The following KLRG1 variants were observed in gnomAD, a reference collection of about 807,000 sequenced individuals.
KLRG1 encodes killer cell lectin like receptor G1.
Under a neutral mutation model 21.8 loss-of-function variants are expected in KLRG1, and 16 were observed. The observed-to-expected ratio is 0.73, with a 90% CI of 0.50 to 1.11. The LOEUF is 1.11. Ranked by LOEUF, KLRG1 falls within the 50% of genes most tolerant of loss-of-function variation. KLRG1 has a pLI of 0.00. For synonymous variants in KLRG1, 69 were observed against 75.9 expected, an observed-to-expected ratio of 0.91 and a Z score of 0.47; for missense variants, 173 against 218.3, an observed-to-expected ratio of 0.79 and a Z score of 1.31.
the KLRG1 span, chr12:9,181,094 G>A: frequency 6.2e-7 from 1 of 1,614,058 alleles, no homozygotes; most frequent in Non-Finnish European, 8.5e-7. Context: ...GGGCATGTGA[G>A]GCTGGGGGAC....
At chr12:9,095,514 A>G in the KLRG1 span, 2 of 1,598,912 alleles carry the variant, frequency 1.3e-6, no homozygotes, top group African/African-American at 1.3e-5. Flanking sequence ...TTAAGATCAG[A>G]CCATCTGCAA....
chr12:9,160,202 G>T, the KLRG1 span: 1 of 1,170,104 alleles, frequency 8.5e-7, no homozygotes, highest in Non-Finnish European at 1.2e-6. Flanking sequence ...TGGGAAGATT[G>T]TTGTTTTCAT....
chr12:9,182,175 A>C, the KLRG1 span: 1 of 179,788 alleles, frequency 5.6e-6, no homozygotes, highest in Non-Finnish European at 8.9e-6. Context: ...AGGTCATAAA[A>C]ATAGTGTCAT....
At chr12:9,120,033 C>A in the KLRG1 span, among the ~76,000 whole-genome samples, 9 of 152,170 alleles carry the variant, frequency 5.9e-5, no homozygotes, top group African/African-American at 2.2e-4. Context: ...GCAATAATAT[C>A]TGTGGTCTCA....
At chr12:9,010,907 A>G (rs575591983), downstream of KLRG1, 11 of 152,380 alleles carry the variant, frequency 7.2e-5, no homozygotes, top group African/African-American at 1.2e-4. Context: ...TCTGGATACA[A>G]TGCTCATAGA....
the KLRG1 span, chr12:9,151,500 A>C: frequency 4.9e-5 from 43 of 872,158 alleles, no homozygotes; most frequent in Non-Finnish European, 5.9e-5. Context: ...CTGGAAGGGC[A>C]TTACTAATGA....
the KLRG1 span, among the ~76,000 whole-genome samples, chr12:9,204,536 CT>C: frequency 6.6e-6 from 1 of 152,200 alleles, no homozygotes; most frequent in East Asian, 1.9e-4. Flanking sequence ...AAAGTATTTG[CT>C]GTTTCTCTTA....
At chr12:9,110,184 G>T in the KLRG1 span, 1 of 1,107,574 alleles carries the variant, frequency 9.0e-7, no homozygotes, top group Non-Finnish European at 1.3e-6. Context: ...TAGCCATCTA[G>T]CTCTATGGGA....
the KLRG1 span, chr12:9,109,505 G>A: frequency 3.4e-6 from 3 of 889,192 alleles, no homozygotes; most frequent in African/African-American, 3.3e-5. Flanking sequence ...ATATTTTAGG[G>A]CTCTGAAAAG....
chr12:9,156,336 T>C, the KLRG1 span: 1 of 205,534 alleles, frequency 4.9e-6, no homozygotes. Context: ...CTGACCATCT[T>C]CCCCTCCACC....
chr12:8,956,032 C>T (rs770196820), intron 1 of KLRG1, among the ~76,000 whole-genome samples: 10 of 152,194 alleles, frequency 6.6e-5, no homozygotes, highest in Non-Finnish European at 1.5e-4. Context: ...GGACTACCAC[C>T]TTTGGGTCCC....
the KLRG1 span, chr12:9,107,382 GA>G: frequency 2.0e-5 from 21 of 1,038,778 alleles, no homozygotes; most frequent in African/African-American, 2.3e-4. Flanking sequence ...CTAAGTTCAT[GA>G]TTTTTTTTGA....
the KLRG1 span, among the ~76,000 whole-genome samples, chr12:9,191,005 T>G: frequency 4.6e-5 from 7 of 152,136 alleles, no homozygotes; most frequent in African/African-American, 1.7e-4. Flanking sequence ...TTAAAATTGT[T>G]TTATGATGAA....
intron 1 of KLRG1, among the ~76,000 whole-genome samples, chr12:8,991,035 T>C (rs1389385158): frequency 6.6e-6 from 1 of 152,164 alleles, no homozygotes; most frequent in African/African-American, 2.4e-5. Flanking sequence ...GAATACTCCA[T>C]AGATACACAC....
At chr12:9,041,417 G>A in the KLRG1 span, among the ~76,000 whole-genome samples, 1 of 152,300 alleles carries the variant, frequency 6.6e-6, no homozygotes, top group Non-Finnish European at 1.5e-5. Flanking sequence ...TTTGACATGC[G>A]TATTTTGATG....
the KLRG1 span, among the ~76,000 whole-genome samples, chr12:9,188,171 C>T: frequency 6.6e-6 from 1 of 152,208 alleles, no homozygotes; most frequent in South Asian, 2.1e-4. Context: ...AAAAGCTTAG[C>T]TACCGCGATC....
At position 9,002,403 on chromosome 12, in the gene KLRG1, C is replaced by G. The variant is rs373635619; in HGVS notation, c.358-6572C>G. On this transcript the variant is annotated intron_variant, in intron 3 of 4. Transcript: ENST00000356986. Reference sequence around the variant, plus strand: ...AAAGGAAAAGAAAAGAAAAAGTGCCCTTGATTTTATTTGTTTGGGTTTTAT... The same window carrying G: ...AAAGGAAAAGAAAAGAAAAAGTGCCGTTGATTTTATTTGTTTGGGTTTTAT... Among the ~76,000 whole-genome samples, 3 of 152,106 alleles carry G rather than the reference C, an allele frequency of 2.0e-5. No individual in the cohort carries two copies. The East Asian group carries it at 5.8e-4, about 29-fold the overall frequency.
intron 2 of KLRG1, among the ~76,000 whole-genome samples, chr12:8,993,072 A>T (rs1318838528): frequency 7.9e-6 from 1 of 126,006 alleles, no homozygotes; most frequent in African/African-American, 3.0e-5. Flanking sequence ...ATGTAATGAA[A>T]CATTCTGAAT....
the KLRG1 span, among the ~76,000 whole-genome samples, chr12:9,132,718 T>C: frequency 2.0e-5 from 3 of 152,164 alleles, no homozygotes; most frequent in Admixed American, 2.0e-4. Flanking sequence ...TGTGACCTAA[T>C]AACTACTTTA....
Sources: gnomAD v4.1 joint callset for allele counts (sites outside exome capture counted in the v4.1 genomes callset) on GRCh38, gnomAD v4.1.1 for gene constraint, MANE v1.5 for transcripts, NCBI Gene and HGNC (gene_info 2026-07-23, HGNC 2026-07-21) for gene names.